UGT2A2: variants seen among roughly 807,000 people sequenced by gnomAD.
UGT2A2 encodes UDP glucuronosyltransferase family 2 member A2.
Under a neutral mutation model 50.7 loss-of-function variants are expected in UGT2A2, and 60 were observed. The ratio of observed to expected loss-of-function variants is 1.18; its 90% CI spans 0.96 to 1.47. The LOEUF (loss-of-function observed/expected upper bound fraction) is 1.47, where lower values mean the gene tolerates loss of function less well. UGT2A2 is among the 40% of genes most tolerant of loss of function. The pLI is 0.00. For missense variants in UGT2A2, 762 were observed against 634.0 expected (o/e 1.20, Z -2.17); for synonymous variants, 242 against 214.6 (o/e 1.13, Z -1.11).
chr4:69,595,274 T>TG, intron 3 of UGT2A2, 25 bp from the exon 4 acceptor site: 1 of 1,611,806 alleles, frequency 6.2e-7, no homozygotes, highest in South Asian at 1.1e-5. Flanking sequence ...GCTTTAATTT[T>TG]GCAAGGAAAA....
intron 1 of UGT2A2, among the ~76,000 whole-genome samples, chr4:69,630,443 G>A (rs1399598094): frequency 6.6e-6 from 1 of 152,000 alleles, no homozygotes; most frequent in Non-Finnish European, 1.5e-5. Context: ...ACAAGCCATA[G>A]TTTTTATCAA....
chr4:69,624,669 T>C (rs1319998618), intron 1 of UGT2A2, among the ~76,000 whole-genome samples: 1 of 151,370 alleles, frequency 6.6e-6, no homozygotes, highest in Non-Finnish European at 1.5e-5. Flanking sequence ...GCAATTAGTA[T>C]CATTTTTAGC....
At chr4:69,625,189 G>T (rs1332758629) in intron 1 of UGT2A2, among the ~76,000 whole-genome samples, 1 of 150,482 alleles carries the variant, frequency 6.6e-6, no homozygotes, top group Non-Finnish European at 1.5e-5. Context: ...GCTAGATGAA[G>T]TATTTTTTAA....
At chr4:69,616,197 A>G (rs1720368680) in intron 1 of UGT2A2, among the ~76,000 whole-genome samples, 1 of 151,832 alleles carries the variant, frequency 6.6e-6, no homozygotes, top group Non-Finnish European at 1.5e-5. Flanking sequence ...TAGAGAAGAT[A>G]TAGAGTAGAG....
intron 1 of UGT2A2, among the ~76,000 whole-genome samples, chr4:69,625,718 T>C (rs1721017854): frequency 6.6e-6 from 1 of 151,540 alleles, no homozygotes; most frequent in African/African-American, 2.4e-5. Context: ...ATTTAAAATT[T>C]ACATACAGAA....
chr4:69,604,485 A>G (rs1047325555), intron 1 of UGT2A2, among the ~76,000 whole-genome samples: 4 of 136,976 alleles, frequency 2.9e-5, no homozygotes, highest in Admixed American at 7.2e-5. Context: ...TGTACAGACC[A>G]TCGAGGCTAG....
intron 2 of UGT2A2, among the ~76,000 whole-genome samples, chr4:69,597,811 T>C (rs1291837331): frequency 6.6e-6 from 1 of 152,106 alleles, no homozygotes; most frequent in East Asian, 1.9e-4. Context: ...TCTTGTTGTT[T>C]TTGTATTCTG....
intron 1 of UGT2A2, among the ~76,000 whole-genome samples, chr4:69,601,066 C>T (rs539382709): frequency 1.6e-3 from 250 of 152,176 alleles, no homozygotes; most frequent in African/African-American, 5.8e-3. Context: ...ATCCAGTTAC[C>T]TGATGCTAGT....
At chr4:69,618,307 T>C (rs981111850) in intron 1 of UGT2A2, among the ~76,000 whole-genome samples, 2 of 150,024 alleles carry the variant, frequency 1.3e-5, no homozygotes, top group Admixed American at 1.3e-4. Flanking sequence ...TTAAAAATGT[T>C]TTTGGGGCAT....
At chr4:69,600,077 G>A (rs1719178803) in intron 1 of UGT2A2, among the ~76,000 whole-genome samples, 1 of 152,076 alleles carries the variant, frequency 6.6e-6, no homozygotes, top group African/African-American at 2.4e-5. Flanking sequence ...TAAACCCTTT[G>A]AAAAAAGTGG....
chr4:69,639,271 G>A lies in UGT2A2; in HGVS notation c.370C>T (p.Leu124=), dbSNP rs1216968194. Residue 124 remains leucine, a synonymous_variant, in exon 1 of 6, where the codon CTA becomes TTA. Transcript: ENST00000604629. The part of the protein sequence containing the change: ...WAFYKELGKL[L]DTFFQINIQL... ...ATGTTAATTTGAAAGAAAGTGTCTA[G>A]AAGTTTTCCTAGTTCTTTGTAGAAA... The A allele has an allele frequency of 6.2e-7, 1 of 1,613,558 alleles. No individual in the cohort carries two copies. Among genetic ancestry groups the A allele is most frequent in the Non-Finnish European group, 8.5e-7 (1 of 1,179,750 alleles).
At chr4:69,623,166 T>C (rs1720848680) in intron 1 of UGT2A2, among the ~76,000 whole-genome samples, 1 of 151,838 alleles carries the variant, frequency 6.6e-6, no homozygotes, top group Non-Finnish European at 1.5e-5. Flanking sequence ...GTCCATCCTC[T>C]TCCATCTGTT....
chr4:69,594,326 T>C (rs1260789696), intron 5 of UGT2A2, 151 bp downstream of exon 5: 5 of 1,100,424 alleles, frequency 4.5e-6, no homozygotes, highest in Non-Finnish European at 5.0e-6. Context: ...CAAATCACTT[T>C]AGCAGTTTGG....
chr4:69,618,201 GTGTGTGTGTGTGTGTATGTT>G (rs1720516880), intron 1 of UGT2A2, among the ~76,000 whole-genome samples: 1 of 88,522 alleles, frequency 1.1e-5, no homozygotes, highest in Admixed American at 1.6e-4. Flanking sequence ...GTGTGTGTGT[GTGTGTGTGTGTGTGTATGTT>G]TGTGTGTGTG....
intron 1 of UGT2A2, among the ~76,000 whole-genome samples, chr4:69,600,337 C>T (rs192589286): frequency 6.7e-4 from 102 of 152,306 alleles, no homozygotes; most frequent in Admixed American, 1.6e-3. Context: ...AAAGTCACTC[C>T]TAATCCTATA....
intron 1 of UGT2A2, among the ~76,000 whole-genome samples, chr4:69,614,241 A>T (rs1160689935): frequency 6.6e-6 from 1 of 152,054 alleles, no homozygotes; most frequent in Non-Finnish European, 1.5e-5. Flanking sequence ...ATAAAATAAA[A>T]TACCTAAGAA....
chr4:69,634,191 G>C (rs1215178785), intron 1 of UGT2A2, among the ~76,000 whole-genome samples: 2 of 152,170 alleles, frequency 1.3e-5, no homozygotes, highest in Admixed American at 1.3e-4. Flanking sequence ...CTTGCAGTGA[G>C]CCGAGATCGC....
At chr4:69,611,609 C>T (rs760716452) in intron 1 of UGT2A2, among the ~76,000 whole-genome samples, 6 of 151,840 alleles carry the variant, frequency 4.0e-5, no homozygotes, top group Admixed American at 1.3e-4. Flanking sequence ...TTTGAGAAAA[C>T]GAAGGTCTAA....
intron 1 of UGT2A2, 164 bp from the exon 2 acceptor site, chr4:69,599,558 G>A: frequency 9.7e-7 from 1 of 1,026,192 alleles, no homozygotes; most frequent in South Asian, 2.6e-5. Flanking sequence ...AGAAATTAAA[G>A]AGGATGGAAG....
Sources: gnomAD v4.1 joint callset for allele counts (sites outside exome capture counted in the v4.1 genomes callset) on GRCh38, gnomAD v4.1.1 for gene constraint, MANE v1.5 for transcripts, NCBI Gene and HGNC (gene_info 2026-07-23, HGNC 2026-07-21) for gene names.